The following SORCS2 variants were observed in gnomAD, a reference collection of about 807,000 sequenced individuals.
SORCS2 encodes VPS10 domain-containing receptor SorCS2.
Under a neutral mutation model 141.6 loss-of-function variants are expected in SORCS2, and 100 were observed. The ratio of observed to expected loss-of-function variants is 0.71; its 90% CI spans 0.60 to 0.83. SORCS2 has a LOEUF of 0.83. Ranked by LOEUF, SORCS2 falls within the 40% of genes least tolerant of loss-of-function variation. SORCS2 has a pLI of 0.00. For synonymous variants in SORCS2, 789 were observed against 676.9 expected (o/e 1.17, Z -2.57); for missense variants, 1,646 against 1,560.2 (o/e 1.05, Z -0.93).
intron 3 of SORCS2, among the ~76,000 whole-genome samples, chr4:7,592,793 C>T (rs1230811595): frequency 6.6e-6 from 1 of 152,166 alleles, no homozygotes; most frequent in East Asian, 1.9e-4. Context: ...AAATGTAATC[C>T]CTACCTCACA....
intron 12 of SORCS2, among the ~76,000 whole-genome samples, chr4:7,698,615 T>A (rs1724855747): frequency 6.6e-6 from 1 of 152,234 alleles, no homozygotes; most frequent in African/African-American, 2.4e-5. Flanking sequence ...TGCAAGATAG[T>A]CATAGCAGTC....
At chr4:7,483,697 T>TAA (rs1242854721) in intron 2 of SORCS2, among the ~76,000 whole-genome samples, 1 of 151,754 alleles carries the variant, frequency 6.6e-6, no homozygotes, top group African/African-American at 2.4e-5. Context: ...AGTATTCCTG[T>TAA]GTTTCCGTAC....
intron 1 of SORCS2, among the ~76,000 whole-genome samples, chr4:7,389,218 G>A (rs924104208): frequency 5.3e-5 from 8 of 152,190 alleles, no homozygotes; most frequent in African/African-American, 1.7e-4. Flanking sequence ...GTTGGCTGGC[G>A]GGTGAGGTGG....
chr4:7,670,514 A>G (rs546755766), intron 8 of SORCS2, among the ~76,000 whole-genome samples: 1 of 152,228 alleles, frequency 6.6e-6, no homozygotes, highest in African/African-American at 2.4e-5. Flanking sequence ...AAGCCGTATG[A>G]ATAAAGAAAG....
chr4:7,539,832 G>C (rs898729055), intron 3 of SORCS2, among the ~76,000 whole-genome samples: 2 of 127,694 alleles, frequency 1.6e-5, no homozygotes. Context: ...ACCCCTTCCT[G>C]TTGTGGCTGC....
At chr4:7,480,805 G>A (rs1313561901) in intron 2 of SORCS2, among the ~76,000 whole-genome samples, 2 of 152,270 alleles carry the variant, frequency 1.3e-5, no homozygotes, top group African/African-American at 2.4e-5. Context: ...GTGCCTTGGA[G>A]GCTTGGCTGG....
intron 11 of SORCS2, among the ~76,000 whole-genome samples, chr4:7,694,749 C>T (rs376479740): frequency 6.6e-6 from 1 of 152,220 alleles, no homozygotes; most frequent in South Asian, 2.1e-4. Context: ...GTTTGCCAGG[C>T]ACCACACTGC....
At chr4:7,654,001 C>G (rs895684126) in intron 4 of SORCS2, 133 bp from the exon 5 acceptor site, 1 of 823,516 alleles carries the variant, frequency 1.2e-6, no homozygotes, top group Non-Finnish European at 2.0e-6. Context: ...ATGAGCACAG[C>G]GCCTCCGCGT....
At chr4:7,690,808 C>G (rs1724194532) in intron 11 of SORCS2, among the ~76,000 whole-genome samples, 1 of 152,108 alleles carries the variant, frequency 6.6e-6, no homozygotes, top group South Asian at 2.1e-4. Flanking sequence ...GGGAGAAAAA[C>G]AAGTATACAA....
At chr4:7,706,865 GT>G (rs1263157755) in intron 14 of SORCS2, among the ~76,000 whole-genome samples, 1 of 152,178 alleles carries the variant, frequency 6.6e-6, no homozygotes, top group East Asian at 1.9e-4. Flanking sequence ...ATGTCCCCTC[GT>G]TTGTTGGGGA....
chr4:7,357,317 A>C (rs772334911), intron 1 of SORCS2, among the ~76,000 whole-genome samples: 15 of 152,184 alleles, frequency 9.9e-5, no homozygotes, highest in Non-Finnish European at 1.6e-4. Context: ...GATCGACATG[A>C]CCAGTGGTTC....
At chr4:7,640,186 CTA>C (rs1339302440) in intron 4 of SORCS2, among the ~76,000 whole-genome samples, 5 of 14,872 alleles carry the variant, frequency 3.4e-4, no homozygotes, top group Non-Finnish European at 5.8e-4. Flanking sequence ...GTGTGAGAGC[CTA>C]TGTGAGTGTG....
intron 1 of SORCS2, among the ~76,000 whole-genome samples, chr4:7,230,262 T>G (rs112611090): frequency 2.8e-4 from 23 of 82,098 alleles, no homozygotes; most frequent in African/African-American, 3.5e-4. Context: ...TCAAGTCTTC[T>G]AGTCGCTGGG....
Position 7,581,948 on chromosome 4 carries a change from C to G in SORCS2, c.648+50319C>G, listed in dbSNP as rs146350804. Among the ~76,000 whole-genome samples the G allele has an allele frequency of 6.1e-4, 93 of 152,072 alleles. No individual in the cohort carries two copies. In the South Asian group the frequency reaches 8.3e-3, roughly 14 times the overall value. On this transcript the variant is annotated intron_variant, in intron 3 of 26. Transcript: ENST00000507866. ...TTTCTATATATCTTTATTTCATAGTCGAGACAATTTTATACTCTGAATTTT... is the reference window on the plus strand; with the variant it reads ...TTTCTATATATCTTTATTTCATAGTGGAGACAATTTTATACTCTGAATTTT...
At chr4:7,665,902 G>T (rs559244437) in intron 7 of SORCS2, among the ~76,000 whole-genome samples, 1 of 152,286 alleles carries the variant, frequency 6.6e-6, no homozygotes, top group Admixed American at 6.5e-5. Flanking sequence ...GAGCAGGCTG[G>T]GTTATCACTC....
intron 2 of SORCS2, among the ~76,000 whole-genome samples, chr4:7,400,171 C>G (rs1055940070): frequency 1.3e-5 from 2 of 151,928 alleles, no homozygotes; most frequent in Non-Finnish European, 2.9e-5. Flanking sequence ...CATCCCCAGT[C>G]TCAGCTCCTC....
intron 3 of SORCS2, among the ~76,000 whole-genome samples, chr4:7,616,316 C>A (rs1718752612): frequency 6.6e-6 from 1 of 152,226 alleles, no homozygotes; most frequent in East Asian, 1.9e-4. Context: ...TCCATCCATC[C>A]ATCTGTCATC....
At chr4:7,725,051 T>C in intron 19 of SORCS2, 103 bp from the exon 20 acceptor site, 4 of 1,269,386 alleles carry the variant, frequency 3.2e-6, no homozygotes, top group African/African-American at 1.6e-5. Flanking sequence ...GTGGTGGTGG[T>C]GATGATAGCA....
chr4:7,565,593 G>A (rs1233932494), intron 3 of SORCS2, among the ~76,000 whole-genome samples: 1 of 151,978 alleles, frequency 6.6e-6, no homozygotes, highest in African/African-American at 2.4e-5. Flanking sequence ...AGTGATGATG[G>A]TGATGGTAAT....
Sources: gnomAD v4.1 joint callset for allele counts (sites outside exome capture counted in the v4.1 genomes callset) on GRCh38, gnomAD v4.1.1 for gene constraint, MANE v1.5 for transcripts, NCBI Gene and HGNC (gene_info 2026-07-23, HGNC 2026-07-21) for gene names.